CHSY1: variants seen among roughly 807,000 people sequenced by gnomAD.
CHSY1 encodes chondroitin sulfate synthase 1.
CHSY1 carries 13 observed loss-of-function variants against 59.8 expected under a neutral mutation model. The ratio of observed to expected loss-of-function variants is 0.22; its 90% CI spans 0.14 to 0.35. The LOEUF is 0.35. Ranked by LOEUF, CHSY1 falls within the 10% of genes least tolerant of loss-of-function variation. CHSY1 has a pLI of 1.00. For missense variants in CHSY1, 947 were observed against 1,030.6 expected (o/e 0.92, Z 1.11); for synonymous variants, 459 against 401.2 (o/e 1.14, Z -1.72).
intron 2 of CHSY1, among the ~76,000 whole-genome samples, chr15:101,191,746 A>AT (rs200573983): frequency 0.019 from 2,820 of 151,796 alleles, 100 homozygotes; most frequent in African/African-American, 0.064. Context: ...AAAAAACTTA[A>AT]TTTTTTTTTA....
At chr15:101,237,387 A>G (rs2038956314) in intron 1 of CHSY1, among the ~76,000 whole-genome samples, 1 of 152,148 alleles carries the variant, frequency 6.6e-6, no homozygotes, top group South Asian at 2.1e-4. Flanking sequence ...CTAGGAATGG[A>G]GAAGAAGGCC....
chr15:101,212,087 G>C (rs193175432), intron 2 of CHSY1, among the ~76,000 whole-genome samples: 65 of 152,216 alleles, frequency 4.3e-4, no homozygotes, highest in Middle Eastern at 3.4e-3. Context: ...TAGGGAAAAC[G>C]CAAACTGAAA....
In CHSY1 at chr15:101,235,267, C is replaced by T; in HGVS notation, c.631G>A (p.Ala211Thr). ...CAGAAGTTCTCACCAGGCTCCAGGG[C>T]CAGTTTTCCCATTTCTTCCGTGGTG... ...LGTTEEMGKLALEPGENFCMG... is the reference protein window; with the variant it reads ...LGTTEEMGKLTLEPGENFCMG... The change falls in exon 2 of 3, where the codon GCC (alanine) becomes ACC (threonine). Residue 211 changes from alanine (A) to threonine (T), a missense_variant. Transcript: ENST00000254190. 1 of 1,614,178 alleles carries T rather than the reference C, an allele frequency of 6.2e-7. No homozygotes were observed. The highest frequency in any genetic ancestry group is 8.5e-7 in the Non-Finnish European group (1 of 1,180,032).
intron 2 of CHSY1, among the ~76,000 whole-genome samples, chr15:101,207,947 G>A (rs750008556): frequency 7.9e-5 from 12 of 152,320 alleles, no homozygotes; most frequent in South Asian, 4.1e-4. Flanking sequence ...CAGGTAGGCC[G>A]CCAACCCTTG....
chr15:101,229,802 G>A (rs759344515), intron 2 of CHSY1, among the ~76,000 whole-genome samples: 19 of 151,994 alleles, frequency 1.3e-4, no homozygotes, highest in Admixed American at 4.6e-4. Context: ...AGGTACTCAG[G>A]AGACTGAGGC....
intron 2 of CHSY1, among the ~76,000 whole-genome samples, chr15:101,210,394 AAAC>A (rs1301287386): frequency 6.6e-6 from 1 of 152,242 alleles, no homozygotes; most frequent in Non-Finnish European, 1.5e-5. Context: ...ATCCCCATTT[AAAC>A]AACGTCTAGA....
rs770277928 is a variant in CHSY1 at position 101,235,221 on chromosome 15, A to G, written c.677T>C (p.Ile226Thr). The G allele has an allele frequency of 2.5e-6, 4 of 1,613,808 alleles. No homozygotes were observed. The African/African-American group carries it at 5.3e-5, about 22-fold the overall frequency. The change falls in exon 2 of 3, where the codon ATC becomes ACC. Residue 226 changes from isoleucine (I) to threonine (T), a missense_variant. Ile to Thr is a moderately conservative substitution (Grantham distance 89). Around this residue, in one of 4 missense-constraint regions of CHSY1, gnomAD observed 108 missense variants for 144.4 expected, o/e 0.75. Coordinates refer to ENST00000254190, the MANE Select transcript of CHSY1 (RefSeq NM_014918.5). ...ENFCMGGPGVIMSREVLRRMV... is the reference protein window; with the variant it reads ...ENFCMGGPGVTMSREVLRRMV... ...TCTCCGAAGCACCTCCCGGCTCATGATCACGCCAGGCCCCCCCATGCAGAA... is the reference window on the plus strand; with the variant it reads ...TCTCCGAAGCACCTCCCGGCTCATGGTCACGCCAGGCCCCCCCATGCAGAA...
intron 2 of CHSY1, among the ~76,000 whole-genome samples, chr15:101,194,854 G>C (rs2038487693): frequency 6.6e-6 from 1 of 152,194 alleles, no homozygotes; most frequent in Admixed American, 6.5e-5. Flanking sequence ...ATCTCAAAAA[G>C]TCAAAATTCT....
intron 1 of CHSY1, among the ~76,000 whole-genome samples, chr15:101,241,892 C>T (rs947178409): frequency 6.6e-6 from 1 of 152,172 alleles, no homozygotes; most frequent in Non-Finnish European, 1.5e-5. Flanking sequence ...ACGCTTTAGT[C>T]CCTGATATAA....
At chr15:101,225,630 G>A (rs187108492) in intron 2 of CHSY1, among the ~76,000 whole-genome samples, 3 of 152,198 alleles carry the variant, frequency 2.0e-5, no homozygotes, top group South Asian at 2.1e-4. Context: ...TCCCACTTGT[G>A]CCATGTGAGA....
chr15:101,237,878 T>G (rs1239117739), intron 1 of CHSY1, among the ~76,000 whole-genome samples: 1 of 152,268 alleles, frequency 6.6e-6, no homozygotes, highest in Non-Finnish European at 1.5e-5. Flanking sequence ...TGATGTTCTT[T>G]CAAATATTTT....
At chr15:101,231,201 A>T (rs1166076476) in intron 2 of CHSY1, among the ~76,000 whole-genome samples, 1 of 152,194 alleles carries the variant, frequency 6.6e-6, no homozygotes, top group Admixed American at 6.5e-5. Context: ...GCCTTGGGCT[A>T]AATGACCGCC....
intron 2 of CHSY1, among the ~76,000 whole-genome samples, chr15:101,231,914 G>A (rs1196748617): frequency 6.6e-6 from 1 of 152,208 alleles, no homozygotes; most frequent in Non-Finnish European, 1.5e-5. Flanking sequence ...GTGGCAAGGG[G>A]AGCCAGGAGC....
Position 101,251,228 on chromosome 15 carries a change from G to A in CHSY1, c.229C>T (p.Pro77Ser), listed in dbSNP as rs896650874. Residue 77 changes from proline to serine, a missense_variant, in exon 1 of 3, where the codon CCA (proline) becomes TCA (serine). Pro to Ser is a moderately conservative substitution (Grantham distance 74, BLOSUM62 -1). Around this residue, in one of 4 missense-constraint regions of CHSY1, gnomAD observed 232 missense variants for 188.5 expected, o/e 1.23. Coordinates refer to ENST00000254190, the MANE Select transcript of CHSY1 (RefSeq NM_014918.5). Reference protein sequence around the residue: ...GAQLWPPGSDPDGGPRDRNFL... With the variant: ...GAQLWPPGSDSDGGPRDRNFL... ...TTCCTGTCGCGCGGGCCGCCATCTG[G>A]GTCCGAGCCGGGCGGCCAGAGCTGC... 1 of 1,584,672 alleles carries A rather than the reference G, an allele frequency of 6.3e-7. No homozygotes were observed. The highest frequency in any genetic ancestry group is 8.5e-7 in the Non-Finnish European group (1 of 1,170,392).
intron 2 of CHSY1, among the ~76,000 whole-genome samples, chr15:101,190,732 T>C (rs1268078716): frequency 6.6e-6 from 1 of 152,144 alleles, no homozygotes; most frequent in Non-Finnish European, 1.5e-5. Flanking sequence ...ATACAAAGAA[T>C]TTCTAAACTC....
chr15:101,226,554 T>G (rs2038843840), intron 2 of CHSY1, among the ~76,000 whole-genome samples: 2 of 152,184 alleles, frequency 1.3e-5, no homozygotes, highest in Admixed American at 6.5e-5. Flanking sequence ...TCAACTCTGA[T>G]GCCATCTGGC....
At chr15:101,210,229 A>G (rs536566639) in intron 2 of CHSY1, among the ~76,000 whole-genome samples, 74 of 152,390 alleles carry the variant, frequency 4.9e-4, no homozygotes, top group African/African-American at 1.8e-3. Flanking sequence ...ACAGGGAGTT[A>G]GTAAGGCCTA....
intron 1 of CHSY1, among the ~76,000 whole-genome samples, chr15:101,237,592 C>T (rs1450379954): frequency 6.6e-6 from 1 of 152,132 alleles, no homozygotes; most frequent in Admixed American, 6.5e-5. Context: ...TGCGAGGAAA[C>T]CACGTAAAGG....
intron 2 of CHSY1, among the ~76,000 whole-genome samples, chr15:101,201,336 C>A (rs1385580056): frequency 2.6e-5 from 4 of 152,216 alleles, no homozygotes; most frequent in African/African-American, 9.6e-5. Flanking sequence ...GACCCTCAGC[C>A]TTCCGTGAAT....
Sources: gnomAD v4.1 joint callset for allele counts (sites outside exome capture counted in the v4.1 genomes callset) on GRCh38, gnomAD v4.1.1 for gene constraint, gnomAD v4.1.1 regional missense constraint, MANE v1.5 for transcripts, NCBI Gene and HGNC (gene_info 2026-07-23, HGNC 2026-07-21) for gene names.